The following RANBP2 variants were observed in gnomAD, a reference collection of about 807,000 sequenced individuals.
The protein encoded by RANBP2 is E3 SUMO-protein ligase RanBP2.
In RANBP2, 57 loss-of-function variants were observed where a neutral mutation model predicts 303.6. That is an observed-to-expected ratio of 0.19 (90% CI 0.15 to 0.23). RANBP2 has a LOEUF of 0.23. Among genes scored for constraint, RANBP2 ranks in the 10% least tolerant of loss-of-function variants. The pLI, the probability that RANBP2 is intolerant of heterozygous loss-of-function variation, is 1.00. For missense variants in RANBP2, 3,138 were observed against 3,780.8 expected (o/e 0.83, Z 4.46); for synonymous variants, 1,167 against 1,301.5 (o/e 0.90, Z 2.23).
the RANBP2 span, among the ~76,000 whole-genome samples, chr2:109,166,504 A>C: frequency 6.6e-6 from 1 of 151,464 alleles, no homozygotes; most frequent in Non-Finnish European, 1.5e-5. Context: ...CCTCTATGTC[A>C]AGCTCATTGG....
chr2:108,729,435 T>G (rs1694993905), intron 2 of RANBP2, among the ~76,000 whole-genome samples: 1 of 152,240 alleles, frequency 6.6e-6, no homozygotes, highest in Non-Finnish European at 1.5e-5. Context: ...TTGTTTGGCT[T>G]CAAATACTTT....
chr2:109,143,317 TA>T, the RANBP2 span, among the ~76,000 whole-genome samples: 70 of 152,232 alleles, frequency 4.6e-4, no homozygotes, highest in East Asian at 5.8e-3. Context: ...ATAGTTTGGA[TA>T]AAAAATGCCT....
chr2:109,490,613 G>A, the RANBP2 span: 2 of 1,447,086 alleles, frequency 1.4e-6, no homozygotes, highest in Non-Finnish European at 1.8e-6. Context: ...AGAAAGAGAA[G>A]AAGAGTGGGC....
chr2:109,710,661 G>A, the RANBP2 span, among the ~76,000 whole-genome samples: 1 of 152,140 alleles, frequency 6.6e-6, no homozygotes, highest in African/African-American at 2.4e-5. Flanking sequence ...CCATGGCTTT[G>A]GAGAGCCTTC....
chr2:108,806,999 G>A, the RANBP2 span, among the ~76,000 whole-genome samples: 1 of 152,164 alleles, frequency 6.6e-6, no homozygotes, highest in Non-Finnish European at 1.5e-5. Flanking sequence ...CCTTGATTAA[G>A]TGCAGTTCCT....
the RANBP2 span, chr2:109,398,471 T>C: frequency 4.4e-6 from 4 of 911,644 alleles, no homozygotes; most frequent in Non-Finnish European, 4.9e-6. Context: ...CCCTGCAGTC[T>C]GACGGATTTG....
At chr2:108,913,094 A>G in the RANBP2 span, among the ~76,000 whole-genome samples, 1,679 of 151,822 alleles carry the variant, frequency 0.011, 19 homozygotes, top group Non-Finnish European at 0.014. Flanking sequence ...GACTACAGGC[A>G]CCCACCACCA....
intron 26 of RANBP2, among the ~76,000 whole-genome samples, chr2:108,781,652 A>G (rs1678264851): frequency 6.6e-6 from 1 of 152,186 alleles, no homozygotes; most frequent in Non-Finnish European, 1.5e-5. Flanking sequence ...TTGGTAAGAA[A>G]TAATTTTTTC....
At position 108,744,386 on chromosome 2, in the gene RANBP2, A is replaced by G. The variant is rs28449246; in HGVS notation, c.976-2325A>G. 3.2e-3 allele frequency among the ~76,000 whole-genome samples: 480 copies of G among 150,246 alleles called. 2 individuals carry two copies. The highest frequency in any genetic ancestry group is 0.011 in the African/African-American group (438 of 39,994). On this transcript the variant is annotated intron_variant, in intron 7 of 28. Coordinates refer to ENST00000283195, the MANE Select transcript of RANBP2 (RefSeq NM_006267.5). ...GCCACTGCAGCACTGCAGCCTGGCG[A>G]CAGAGCGAGACTCCATCTCAAAAAA...
chr2:109,714,254 T>TTGTGTGTG, the RANBP2 span, among the ~76,000 whole-genome samples: 6 of 149,440 alleles, frequency 4.0e-5, no homozygotes, highest in African/African-American at 1.2e-4. Flanking sequence ...CCTGGCTAAT[T>TTGTGTGTG]TGTGTGTGTG....
At chr2:109,019,825 G>A in the RANBP2 span, among the ~76,000 whole-genome samples, 1 of 152,174 alleles carries the variant, frequency 6.6e-6, no homozygotes, top group Non-Finnish European at 1.5e-5. Context: ...GAAAGGATTT[G>A]CCCACTCTGG....
At chr2:109,388,005 G>A in the RANBP2 span, among the ~76,000 whole-genome samples, 1 of 152,070 alleles carries the variant, frequency 6.6e-6, no homozygotes, top group African/African-American at 2.4e-5. Flanking sequence ...TTCAGGAGTC[G>A]ACAGAAGCTT....
At chr2:109,292,015 C>G in the RANBP2 span, among the ~76,000 whole-genome samples, 1 of 152,278 alleles carries the variant, frequency 6.6e-6, no homozygotes, top group South Asian at 2.1e-4. Flanking sequence ...AGGCGCACGC[C>G]ACCACGCCCA....
the RANBP2 span, among the ~76,000 whole-genome samples, chr2:109,211,614 C>A: frequency 6.6e-6 from 1 of 151,444 alleles, no homozygotes; most frequent in East Asian, 1.9e-4. Flanking sequence ...CAGACAGATG[C>A]ACATGAGCCC....
chr2:109,644,140 CA>C, the RANBP2 span, among the ~76,000 whole-genome samples: 117,577 of 147,722 alleles, frequency 0.8, 47,252 homozygotes, highest in Middle Eastern at 0.88. Context: ...AACAAAAAAA[CA>C]AAAAAAAACT....
the RANBP2 span, among the ~76,000 whole-genome samples, chr2:109,557,755 T>G: frequency 6.6e-6 from 1 of 152,220 alleles, no homozygotes; most frequent in African/African-American, 2.4e-5. Context: ...ATGCAATCAT[T>G]GTTTCTTATC....
At chr2:109,530,048 G>A in the RANBP2 span, among the ~76,000 whole-genome samples, 28 of 152,314 alleles carry the variant, frequency 1.8e-4, no homozygotes, top group African/African-American at 6.0e-4. Flanking sequence ...TGGGTCTGAT[G>A]AGTCTAATGA....
chr2:109,314,226 G>GTA, the RANBP2 span, among the ~76,000 whole-genome samples: 1 of 152,280 alleles, frequency 6.6e-6, no homozygotes, highest in South Asian at 2.1e-4. Context: ...TGTGGGTCAT[G>GTA]TATATTTAAT....
At chr2:109,025,545 C>T in the RANBP2 span, among the ~76,000 whole-genome samples, 5 of 152,282 alleles carry the variant, frequency 3.3e-5, no homozygotes, top group African/African-American at 9.6e-5. Flanking sequence ...CGGTGGCTCA[C>T]GCCTGTAATC....
Sources: gnomAD v4.1 joint callset for allele counts (sites outside exome capture counted in the v4.1 genomes callset) on GRCh38, gnomAD v4.1.1 for gene constraint, MANE v1.5 for transcripts, NCBI Gene and HGNC (gene_info 2026-07-23, HGNC 2026-07-21) for gene names.